ZNHIT6: variants seen among roughly 807,000 people sequenced by gnomAD.
The protein encoded by ZNHIT6 is zinc finger HIT-type containing 6, also known as box C/D snoRNA protein 1.
Under a neutral mutation model 57.2 loss-of-function variants are expected in ZNHIT6, and 45 were observed. That is an observed-to-expected ratio of 0.79 (90% CI 0.62 to 1.01). The LOEUF (loss-of-function observed/expected upper bound fraction) is 1.01. Among genes scored for constraint, ZNHIT6 ranks in the 50% least tolerant of loss-of-function variants. ZNHIT6 has a pLI of 0.00. For synonymous variants in ZNHIT6, 188 were observed against 190.0 expected (o/e 0.99, Z 0.09); for missense variants, 528 against 567.3 (o/e 0.93, Z 0.70).
intron 8 of ZNHIT6, among the ~76,000 whole-genome samples, chr1:85,676,175 A>G (rs1407354399): frequency 6.6e-6 from 1 of 152,094 alleles, no homozygotes; most frequent in Admixed American, 6.5e-5. Flanking sequence ...CGTCTCTACT[A>G]AAAATACAAA....
At chr1:85,660,022 T>C (rs762891795) in intron 8 of ZNHIT6, among the ~76,000 whole-genome samples, 1 of 152,200 alleles carries the variant, frequency 6.6e-6, no homozygotes, top group Non-Finnish European at 1.5e-5. Context: ...CAGATGTACT[T>C]ACAATACTTT....
intron 6 of ZNHIT6, 113 bp from the exon 7 acceptor site, chr1:85,678,894 A>C: frequency 1.8e-6 from 1 of 554,566 alleles, no homozygotes; most frequent in South Asian, 3.0e-5. Flanking sequence ...TAACTGAACA[A>C]AGACCTTTTA....
At chr1:85,702,283 C>A (rs763802782) in intron 4 of ZNHIT6, 23 bp from the exon 5 acceptor site, 10 of 1,368,984 alleles carry the variant, frequency 7.3e-6, no homozygotes, top group East Asian at 4.6e-5. Context: ...ACCAAACAGA[C>A]AAATTAATTT....
intron 8 of ZNHIT6, among the ~76,000 whole-genome samples, chr1:85,664,345 T>C (rs543620671): frequency 6.6e-6 from 1 of 152,232 alleles, no homozygotes; most frequent in Non-Finnish European, 1.5e-5. Context: ...CTGCTGTTAA[T>C]ACAGTGATTG....
intron 4 of ZNHIT6, among the ~76,000 whole-genome samples, chr1:85,703,705 T>A (rs150994090): frequency 1.3e-5 from 2 of 152,240 alleles, no homozygotes; most frequent in African/African-American, 4.8e-5. Context: ...AAGAATAACT[T>A]CCTAACTTCA....
intron 5 of ZNHIT6, among the ~76,000 whole-genome samples, chr1:85,687,285 AAACAAAAAAAAAAC>A (rs1373627558): frequency 2.3e-5 from 3 of 128,964 alleles, no homozygotes; most frequent in East Asian, 2.7e-4. Context: ...CTATCTCAAA[AAACAAAAAAAAAAC>A]AAAAAAAAAA....
At chr1:85,678,003 C>A (rs1176446340) in intron 7 of ZNHIT6, among the ~76,000 whole-genome samples, 1 of 140,500 alleles carries the variant, frequency 7.1e-6, no homozygotes, top group Non-Finnish European at 1.6e-5. Flanking sequence ...TTTGTAACAA[C>A]CCTATCTAGG....
intron 8 of ZNHIT6, among the ~76,000 whole-genome samples, chr1:85,665,109 AC>A (rs548192839): frequency 1.1e-3 from 161 of 151,408 alleles, no homozygotes; most frequent in Non-Finnish European, 1.8e-3. Context: ...CTTGTTCAGT[AC>A]CAACATCCAA....
In ZNHIT6 at chr1:85,661,535, C is replaced by T. The variant is rs553489717; in HGVS notation, c.1248-3564G>A. Among the ~76,000 whole-genome samples the T allele has an allele frequency of 2.0e-5, 3 of 152,274 alleles. No individual in the cohort carries two copies. In the East Asian group the frequency reaches 5.8e-4, roughly 29 times the overall value. Reference sequence around the variant, plus strand: ...GATTTCATTAGCAGTGAACATACTGCCTTTATGTGCATTTTGCATTTTAAA... The same window carrying T: ...GATTTCATTAGCAGTGAACATACTGTCTTTATGTGCATTTTGCATTTTAAA... On this transcript the variant is annotated intron_variant, in intron 8 of 9. Transcript: ENST00000370574.
Position 85,701,146 on chromosome 1 carries a change from C to T in ZNHIT6, c.1019+1011G>A, listed in dbSNP as rs75770059. Among the ~76,000 whole-genome samples the T allele has an allele frequency of 9.3e-3, 1,420 of 152,240 alleles. 56 individuals carry two copies. The highest frequency in any genetic ancestry group is 0.063 in the Admixed American group (956 of 15,290). On this transcript the variant is annotated intron_variant, in intron 5 of 9. Coordinates refer to ENST00000370574, the MANE Select transcript of ZNHIT6 (RefSeq NM_017953.4). ...TGTCTTATATAAAATAAATGGAAAACGTCATCTTCTAATTATGATAACAGC... is the reference window on the plus strand; with the variant it reads ...TGTCTTATATAAAATAAATGGAAAATGTCATCTTCTAATTATGATAACAGC...
At chr1:85,697,159 C>T (rs920861809) in intron 5 of ZNHIT6, among the ~76,000 whole-genome samples, 18 of 152,102 alleles carry the variant, frequency 1.2e-4, no homozygotes, top group African/African-American at 3.1e-4. Flanking sequence ...CGTGAGCCAC[C>T]GTGCCCGGCC....
At chr1:85,687,302 A>AAAAAAC (rs1557861125) in intron 5 of ZNHIT6, among the ~76,000 whole-genome samples, 3 of 142,284 alleles carry the variant, frequency 2.1e-5, no homozygotes, top group African/African-American at 7.7e-5. Context: ...AAAAAAACAA[A>AAAAAAC]AAAAAAAAAC....
intron 5 of ZNHIT6, among the ~76,000 whole-genome samples, chr1:85,686,664 G>T (rs904389545): frequency 2.6e-5 from 4 of 152,058 alleles, no homozygotes; most frequent in Non-Finnish European, 5.9e-5. Context: ...GTCCAACACG[G>T]ACTTCTTTTT....
intron 8 of ZNHIT6, among the ~76,000 whole-genome samples, chr1:85,664,754 C>T (rs986541963): frequency 2.0e-5 from 3 of 151,912 alleles, no homozygotes; most frequent in Non-Finnish European, 4.4e-5. Flanking sequence ...AATCTGTACA[C>T]GTACCCCTGA....
At chr1:85,660,770 C>G (rs1661201545) in intron 8 of ZNHIT6, among the ~76,000 whole-genome samples, 1 of 152,104 alleles carries the variant, frequency 6.6e-6, no homozygotes, top group South Asian at 2.1e-4. Flanking sequence ...TCCTGTTTTA[C>G]ATGCTAAGCA....
intron 5 of ZNHIT6, among the ~76,000 whole-genome samples, chr1:85,681,786 A>G (rs1352120102): frequency 3.3e-5 from 5 of 152,218 alleles, no homozygotes; most frequent in Admixed American, 2.6e-4. Context: ...TATTGAGAAC[A>G]AAGTTGAAAA....
intron 6 of ZNHIT6, among the ~76,000 whole-genome samples, chr1:85,679,322 T>C (rs1221461833): frequency 1.3e-5 from 2 of 152,160 alleles, no homozygotes; most frequent in Non-Finnish European, 2.9e-5. Flanking sequence ...TTTAAAACAG[T>C]AACTTTCCTC....
At chr1:85,687,299 C>CAAAAAAAAAAAAAAAAAAAAAA in intron 5 of ZNHIT6, among the ~76,000 whole-genome samples, 1 of 77,936 alleles carries the variant, frequency 1.3e-5, no homozygotes, top group Admixed American at 1.8e-4. Context: ...AAAAAAAAAA[C>CAAAAAAAAAAAAAAAAAAAAAA]AAAAAAAAAA....
chr1:85,649,583 A>G lies in ZNHIT6; in HGVS notation c.*4475T>C, dbSNP rs1258125046. On this transcript the variant is annotated 3_prime_UTR_variant, in exon 10 of 10. Coordinates refer to ENST00000370574, the MANE Select transcript of ZNHIT6 (RefSeq NM_017953.4). Reference sequence around the variant, plus strand: ...GTTCATGTTATAGGTCATTTTAATGAACACATGCACACACACTTTAGTTTT... The same window carrying G: ...GTTCATGTTATAGGTCATTTTAATGGACACATGCACACACACTTTAGTTTT... 1 of 152,248 alleles carries G rather than the reference A, an allele frequency of 6.6e-6. No homozygotes were observed. The allele number at this position is 152,248 out of a possible 1,614,324, so 9.4% of individuals were successfully genotyped here. A position where few individuals can be genotyped will look rare whatever the true frequency, so the allele number is the denominator to read the frequency against.
Sources: allele counts gnomAD v4.1 joint callset (sites outside exome capture counted in the v4.1 genomes callset), GRCh38; gene constraint gnomAD v4.1.1; transcripts MANE v1.5; gene names NCBI Gene and HGNC (gene_info 2026-07-23, HGNC 2026-07-21).